TBC1D2: variants seen among roughly 807,000 people sequenced by gnomAD.
The protein encoded by TBC1D2 is TBC1 domain family member 2A.
Under a neutral mutation model 91.1 loss-of-function variants are expected in TBC1D2, and 58 were observed. That is an observed-to-expected ratio of 0.64 (90% CI 0.52 to 0.79). TBC1D2 has a LOEUF of 0.79. TBC1D2 is among the 30% of genes least tolerant of loss of function. The pLI, the probability that TBC1D2 is intolerant of heterozygous loss-of-function variation, is 0.00. For missense variants in TBC1D2, 1,080 were observed against 1,208.3 expected (o/e 0.89, Z 1.57); for synonymous variants, 482 against 511.5 (o/e 0.94, Z 0.78).
chr9:98,220,437 TGGG>T (rs1460096284), intron 6 of TBC1D2, among the ~76,000 whole-genome samples: 1 of 151,930 alleles, frequency 6.6e-6, no homozygotes, highest in Non-Finnish European at 1.5e-5. Flanking sequence ...CGCAGGACTG[TGGG>T]GGGAGGGTCG....
intron 2 of TBC1D2, among the ~76,000 whole-genome samples, chr9:98,251,298 A>G (rs1829869503): frequency 6.6e-6 from 1 of 152,066 alleles, no homozygotes; most frequent in Non-Finnish European, 1.5e-5. Flanking sequence ...CTCAAAAAAA[A>G]AAAAAGTCAC....
chr9:98,207,559 T>C lies in TBC1D2; in HGVS notation c.2150+1109A>G, dbSNP rs1331610987. Among the ~76,000 whole-genome samples, 5 of 152,078 alleles carry C rather than the reference T, an allele frequency of 3.3e-5. No individual in the cohort carries two copies. In the East Asian group the frequency reaches 7.7e-4, roughly 23 times the overall value. ...ACCAGAAGTGGAAATTATTCCTGGC[T>C]GGGCCAATCAGATTTTTTCTTTGGG... On this transcript the variant is annotated intron_variant, in intron 9 of 12. Coordinates refer to ENST00000465784, the MANE Select transcript of TBC1D2 (RefSeq NM_001267571.2).
intron 6 of TBC1D2, among the ~76,000 whole-genome samples, chr9:98,218,650 A>G (rs187647520): frequency 4.4e-4 from 67 of 152,368 alleles, no homozygotes; most frequent in Admixed American, 2.4e-3. Context: ...CCATGATTAC[A>G]ATCAACTCTC....
intron 6 of TBC1D2, 187 bp from the exon 7 acceptor site, chr9:98,213,405 T>A (rs1828898365): frequency 3.5e-6 from 5 of 1,408,976 alleles, no homozygotes; most frequent in African/African-American, 1.4e-5. Context: ...GATGTCAGCA[T>A]GATGTGGTAA....
rs1288403805 is a variant in TBC1D2, at chr9:98,255,316, A to C, written c.226T>G (p.Cys76Gly). 5.0e-6 allele frequency: 8 copies of C among 1,614,214 alleles called. No individual in the cohort carries two copies. Among genetic ancestry groups the C allele is most frequent in the Non-Finnish European group, 5.1e-6 (6 of 1,180,030 alleles). Reference protein sequence around the residue: ...SRWFFYDERKCQLYYSRTAQD... With the variant: ...SRWFFYDERKGQLYYSRTAQD... ...GCGGTCCGCGAGTAATACAGCTGAC[A>C]TTTCCTTTCGTCGTAGAAGAACCAG... The change falls in exon 1 of 13, where the codon TGT becomes GGT. Residue 76 changes from cysteine (C) to glycine (G), a missense_variant. Transcript: ENST00000465784.
At chr9:98,244,607 C>T (rs551312177) in intron 2 of TBC1D2, among the ~76,000 whole-genome samples, 4 of 139,932 alleles carry the variant, frequency 2.9e-5, no homozygotes, top group South Asian at 4.5e-4. Flanking sequence ...TGCAGTGGGC[C>T]GAGATCGCGC....
At chr9:98,200,701 G>A (rs1178955397) in intron 11 of TBC1D2, among the ~76,000 whole-genome samples, 4 of 152,154 alleles carry the variant, frequency 2.6e-5, no homozygotes, top group Non-Finnish European at 4.4e-5. Context: ...GTATCTTTAC[G>A]TGGGGCTTTG....
At chr9:98,199,640 T>C (rs1174244796) in intron 12 of TBC1D2, 52 bp from the exon 13 acceptor site, 15 of 1,591,996 alleles carry the variant, frequency 9.4e-6, no homozygotes, top group Non-Finnish European at 1.3e-5. Context: ...CTGGCCGGCG[T>C]TTACCCGGCT....
rs532005900 is a variant in TBC1D2 at position 98,245,172 on chromosome 9, G to A, written c.512-1043C>T. Among the ~76,000 whole-genome samples, 7 of 152,226 alleles carry A rather than the reference G, an allele frequency of 4.6e-5. No individual in the cohort carries two copies. In the South Asian group the frequency reaches 1.0e-3, roughly 23 times the overall value. On this transcript the variant is annotated intron_variant, in intron 2 of 12. Coordinates refer to ENST00000465784, the MANE Select transcript of TBC1D2 (RefSeq NM_001267571.2). Reference sequence around the variant, plus strand: ...GGAGAATGGCCTCAACCCAGGAGGCGGAGCTTGCAGTGAGCCTAGATCGTG... The same window carrying A: ...GGAGAATGGCCTCAACCCAGGAGGCAGAGCTTGCAGTGAGCCTAGATCGTG...
chr9:98,233,614 C>T (rs1829428058), intron 3 of TBC1D2, 65 bp from the exon 4 acceptor site: 2 of 1,582,330 alleles, frequency 1.3e-6, no homozygotes, highest in Admixed American at 1.7e-5. Flanking sequence ...TCTGTCCTTC[C>T]CGCCACCACT....
At position 98,213,262 on chromosome 9, in the gene TBC1D2, C is replaced by A. The variant is rs769287900; in HGVS notation, c.1375-44G>T. The A allele has an allele frequency of 6.8e-6, 11 of 1,609,238 alleles. 1 individual carries two copies. The South Asian group carries it at 1.2e-4, about 18-fold the overall frequency. On this transcript the variant is annotated intron_variant, in intron 6 of 12. Transcript: ENST00000465784. ...TATGTTATCAGTTGGACATAAACAT[C>A]TCCCTGGTCCTGGGGAGTCACACCC... is the stretch of plus-strand genomic sequence containing the variant.
chr9:98,200,605 A>G (rs1828470088), intron 11 of TBC1D2, among the ~76,000 whole-genome samples: 1 of 152,148 alleles, frequency 6.6e-6, no homozygotes, highest in African/African-American at 2.4e-5. Flanking sequence ...AAATCTGGGG[A>G]TTTGGACAGA....
At chr9:98,200,853 TA>T (rs1252609186) in intron 11 of TBC1D2, among the ~76,000 whole-genome samples, 4 of 151,928 alleles carry the variant, frequency 2.6e-5, no homozygotes, top group Non-Finnish European at 2.9e-5. Flanking sequence ...CCATCTCTAC[TA>T]AAAATACAAA....
intron 7 of TBC1D2, 82 bp downstream of exon 7, chr9:98,213,026 G>A: frequency 6.8e-7 from 1 of 1,469,556 alleles, no homozygotes; most frequent in Non-Finnish European, 9.5e-7. Context: ...AGGAAATGAG[G>A]AGAGTGAGAC....
intron 9 of TBC1D2, 145 bp downstream of exon 9, chr9:98,208,523 T>G: frequency 1.4e-6 from 1 of 715,036 alleles, no homozygotes; most frequent in Non-Finnish European, 2.3e-6. Context: ...AGAGCTCAGG[T>G]GGTAATGCTC....
Position 98,199,219 on chromosome 9 carries a change from A to T in TBC1D2, c.*162T>A. On this transcript the variant is annotated 3_prime_UTR_variant, in exon 13 of 13. Transcript: ENST00000465784. ...AGCCCAACCAATGGCTTTGCAGCAC[A>T]CAATGTCCCAGTGGGGAAACTGAGG... 1.3e-6 allele frequency: 1 copy of T among 775,944 alleles called. No individual in the cohort carries two copies. Among genetic ancestry groups the T allele is most frequent in the Non-Finnish European group, 2.1e-6 (1 of 482,116 alleles). The allele number at this position is 775,944 out of a possible 1,614,324, so 48.1% of individuals were successfully genotyped here.
At chr9:98,244,424 T>C (rs900151464) in intron 2 of TBC1D2, among the ~76,000 whole-genome samples, 7 of 152,154 alleles carry the variant, frequency 4.6e-5, no homozygotes, top group African/African-American at 1.7e-4. Context: ...TTTGGGAGGC[T>C]GAGATGGGCG....
intron 6 of TBC1D2, among the ~76,000 whole-genome samples, chr9:98,219,102 G>T (rs1829035673): frequency 6.6e-6 from 1 of 152,200 alleles, no homozygotes; most frequent in Admixed American, 6.5e-5. Context: ...AAAGATTCGG[G>T]AACTGGTTAT....
In TBC1D2 at chr9:98,248,945, C is replaced by T. The variant is rs184963016; in HGVS notation, c.511+2840G>A. Among the ~76,000 whole-genome samples, 210 of 152,296 alleles carry T rather than the reference C, an allele frequency of 1.4e-3. 1 individual carries two copies. The highest frequency in any genetic ancestry group is 4.4e-3 in the African/African-American group (182 of 41,562). On this transcript the variant is annotated intron_variant, in intron 2 of 12. Coordinates refer to ENST00000465784, the MANE Select transcript of TBC1D2 (RefSeq NM_001267571.2). ...AGGAGAGAACATGCCTTGCAGATTGCTCAAGAGCAGTGACGAGACACTTTT... is the reference window on the plus strand; with the variant it reads ...AGGAGAGAACATGCCTTGCAGATTGTTCAAGAGCAGTGACGAGACACTTTT...
Sources: allele counts gnomAD v4.1 joint callset (sites outside exome capture counted in the v4.1 genomes callset), GRCh38; gene constraint gnomAD v4.1.1; transcripts MANE v1.5; gene names NCBI Gene and HGNC (gene_info 2026-07-23, HGNC 2026-07-21).